The following FSTL4 variants were observed in gnomAD, a reference collection of about 807,000 sequenced individuals.
FSTL4 encodes the protein follistatin like 4.
FSTL4 carries 28 observed loss-of-function variants against 78.2 expected under a neutral mutation model. That is an observed-to-expected ratio of 0.36 (90% confidence interval 0.27 to 0.49). The LOEUF (loss-of-function observed/expected upper bound fraction) is 0.49, where lower values mean the gene tolerates loss of function less well. Among genes scored for constraint, FSTL4 ranks in the 20% least tolerant of loss-of-function variants. The pLI is 0.98. For missense variants in FSTL4, 922 were observed against 1,084.9 expected (o/e 0.85, Z 2.11); for synonymous variants, 422 against 440.5 (o/e 0.96, Z 0.53).
chr5:133,739,018 C>T, the FSTL4 span, among the ~76,000 whole-genome samples: 1 of 152,268 alleles, frequency 6.6e-6, no homozygotes, highest in South Asian at 2.1e-4. Flanking sequence ...GATCAATTGC[C>T]TTGAGCCAGT....
chr5:133,342,680 A>ATC (rs1395693627), intron 4 of FSTL4, among the ~76,000 whole-genome samples: 9 of 152,228 alleles, frequency 5.9e-5, no homozygotes, highest in African/African-American at 2.2e-4. Context: ...GGCAAATGTC[A>ATC]GTTAAAAGCA....
At chr5:133,624,910 G>A in the FSTL4 span, among the ~76,000 whole-genome samples, 3 of 151,612 alleles carry the variant, frequency 2.0e-5, no homozygotes, top group South Asian at 6.3e-4. Context: ...TTACTATGTT[G>A]AGTATGTCTC....
intron 4 of FSTL4, among the ~76,000 whole-genome samples, chr5:133,323,900 A>G (rs1223839292): frequency 6.6e-6 from 1 of 152,202 alleles, no homozygotes; most frequent in Non-Finnish European, 1.5e-5. Flanking sequence ...TTGTTATGAC[A>G]CCTCATTAAT....
the FSTL4 span, among the ~76,000 whole-genome samples, chr5:133,736,850 G>T: frequency 6.6e-6 from 1 of 152,200 alleles, no homozygotes; most frequent in African/African-American, 2.4e-5. Flanking sequence ...CATAGGTCCA[G>T]CAATGTGAGA....
chr5:133,567,274 A>C, intron 2 of FSTL4, 55 bp from the exon 3 acceptor site: 1 of 1,224,540 alleles, frequency 8.2e-7, no homozygotes, highest in Non-Finnish European at 1.2e-6. Flanking sequence ...ATGTACAGAT[A>C]CTTGCAAATA....
chr5:133,366,355 C>T (rs1173918626), intron 4 of FSTL4, among the ~76,000 whole-genome samples: 2 of 152,142 alleles, frequency 1.3e-5, no homozygotes, highest in Admixed American at 1.3e-4. Context: ...TCTTTACCAC[C>T]TGTCATCCTT....
chr5:133,359,335 T>G (rs73263746), intron 4 of FSTL4, among the ~76,000 whole-genome samples: 2,198 of 152,340 alleles, frequency 0.014, 63 homozygotes, highest in African/African-American at 0.049. Context: ...CCTGGTTTAT[T>G]CGCAGTGTGA....
At chr5:133,671,761 G>A in the FSTL4 span, among the ~76,000 whole-genome samples, 2 of 152,204 alleles carry the variant, frequency 1.3e-5, no homozygotes, top group East Asian at 3.8e-4. Context: ...AAGGAAGGAG[G>A]AAGTAACTTG....
the FSTL4 span, among the ~76,000 whole-genome samples, chr5:133,752,168 TGTCAGGACTGGATCC>T: frequency 5.3e-5 from 8 of 152,320 alleles, no homozygotes; most frequent in South Asian, 1.5e-3. Context: ...CAAAACACTC[TGTCAGGACTGGATCC>T]TTGGTTGTGG....
At chr5:133,664,866 T>G in the FSTL4 span, among the ~76,000 whole-genome samples, 1 of 152,208 alleles carries the variant, frequency 6.6e-6, no homozygotes, top group Non-Finnish European at 1.5e-5. Context: ...TATACATGAT[T>G]TTATGTGGAA....
At chr5:133,577,691 C>G (rs1157052505) in intron 2 of FSTL4, among the ~76,000 whole-genome samples, 1 of 152,070 alleles carries the variant, frequency 6.6e-6, no homozygotes, top group Admixed American at 6.6e-5. Flanking sequence ...CTCCTTTGAG[C>G]CCACGAGTTC....
chr5:133,597,843 G>A (rs147369836), intron 2 of FSTL4, among the ~76,000 whole-genome samples: 2 of 152,328 alleles, frequency 1.3e-5, no homozygotes, highest in African/African-American at 4.8e-5. Flanking sequence ...GACACCAGAA[G>A]GGGAGCCACG....
chr5:133,395,771 C>T (rs539649698), intron 4 of FSTL4, among the ~76,000 whole-genome samples: 2 of 152,336 alleles, frequency 1.3e-5, no homozygotes, highest in South Asian at 4.1e-4. Context: ...CCTTCCCTTG[C>T]TCTTCAAAAT....
chr5:133,432,513 G>A (rs971375415), intron 3 of FSTL4, among the ~76,000 whole-genome samples: 3 of 152,180 alleles, frequency 2.0e-5, no homozygotes, highest in Admixed American at 6.5e-5. Context: ...TTAAGAGTTC[G>A]AGCTGCTATG....
the FSTL4 span, among the ~76,000 whole-genome samples, chr5:133,678,901 C>A: frequency 0.032 from 4,927 of 151,996 alleles, 286 homozygotes; most frequent in African/African-American, 0.11. Context: ...GGAGGGTGGG[C>A]GTGGCAGGAT....
Position 133,199,415 on chromosome 5 carries a change from A to G in FSTL4, c.2209T>C (p.Leu737=). The G allele has an allele frequency of 6.2e-7, 1 of 1,614,236 alleles. No individual in the cohort carries two copies. Among genetic ancestry groups the G allele is most frequent in the Non-Finnish European group, 8.5e-7 (1 of 1,180,040 alleles). The change falls in exon 16 of 16, where the codon TTG becomes CTG. Residue 737 remains leucine, a synonymous_variant. Transcript: ENST00000265342. The surrounding 1 kb of genome is among the most constrained non-coding windows in gnomAD (Gnocchi z 4.4). The stretch of plus-strand genomic sequence containing the variant: ...TCAGTGAAGGAGCGCTGGAAGGCCA[A>G]GTCTGAGATGCCCGAGTTTATTTGC... ...DLQINSGISD[L]AFQRSFTESN... is the part of the protein sequence containing the mutation.
intron 6 of FSTL4, among the ~76,000 whole-genome samples, chr5:133,293,796 G>T (rs1753322788): frequency 6.6e-6 from 1 of 152,210 alleles, no homozygotes; most frequent in African/African-American, 2.4e-5. Flanking sequence ...AGCTGTTACA[G>T]GAATGGAGAA....
chr5:133,633,697 G>A, the FSTL4 span, among the ~76,000 whole-genome samples: 113,509 of 152,146 alleles, frequency 0.75, 43,096 homozygotes, highest in African/African-American at 0.89. Flanking sequence ...AACCTGGCCA[G>A]TTTGAATATT....
At chr5:133,743,434 C>T in the FSTL4 span, among the ~76,000 whole-genome samples, 2 of 152,220 alleles carry the variant, frequency 1.3e-5, no homozygotes, top group East Asian at 1.9e-4. Context: ...AGACCAGGGG[C>T]TGAACTGCTG....
Sources: allele counts gnomAD v4.1 joint callset (sites outside exome capture counted in the v4.1 genomes callset), GRCh38; gene constraint gnomAD v4.1.1; non-coding constraint Gnocchi (gnomAD v3.1); transcripts MANE v1.5; gene names NCBI Gene and HGNC (gene_info 2026-07-23, HGNC 2026-07-21).